The following CDH18 variants were observed in gnomAD, a reference collection of about 807,000 sequenced individuals.
CDH18 encodes cadherin 18, also known as cadherin-18.
In CDH18, 31 loss-of-function variants were observed where a neutral mutation model predicts 67.9. The ratio of observed to expected loss-of-function variants is 0.46; its 90% CI spans 0.34 to 0.62. The LOEUF is 0.62. Ranked by LOEUF, CDH18 falls within the 20% of genes least tolerant of loss-of-function variation. The pLI, the probability that CDH18 is intolerant of heterozygous loss-of-function variation, is 0.01. For synonymous variants in CDH18, 362 were observed against 347.2 expected, an observed-to-expected ratio of 1.04 and a Z score of -0.48; for missense variants, 890 against 975.5, an observed-to-expected ratio of 0.91 and a Z score of 1.17.
At chr5:20,430,528 C>T (rs1748655960) in intron 1 of CDH18, among the ~76,000 whole-genome samples, 2 of 152,310 alleles carry the variant, frequency 1.3e-5, no homozygotes, top group East Asian at 1.9e-4. Context: ...TGCTTACCAT[C>T]TATATACCTT....
chr5:20,312,671 G>A (rs1248540280), intron 1 of CDH18, among the ~76,000 whole-genome samples: 2 of 152,028 alleles, frequency 1.3e-5, no homozygotes, highest in Non-Finnish European at 2.9e-5. Flanking sequence ...TCTTCTGTGT[G>A]ACTACTAATC....
intron 3 of CDH18, among the ~76,000 whole-genome samples, chr5:19,754,872 T>G (rs898158166): frequency 6.6e-6 from 1 of 152,108 alleles, no homozygotes; most frequent in South Asian, 2.1e-4. Context: ...TTTGAACCCA[T>G]GCAAATACAT....
chr5:19,946,200 A>T (rs955161739), intron 2 of CDH18, among the ~76,000 whole-genome samples: 1 of 152,190 alleles, frequency 6.6e-6, no homozygotes, highest in African/African-American at 2.4e-5. Context: ...GAAGTAGCAT[A>T]ATATATTTCA....
chr5:19,725,117 AG>A (rs776898537), intron 4 of CDH18, among the ~76,000 whole-genome samples: 7 of 151,904 alleles, frequency 4.6e-5, no homozygotes, highest in Non-Finnish European at 2.9e-5. Context: ...TAGTAGAGAC[AG>A]GGTTTCACCA....
intron 2 of CDH18, among the ~76,000 whole-genome samples, chr5:19,964,849 T>C (rs548649837): frequency 6.6e-6 from 1 of 152,082 alleles, no homozygotes; most frequent in South Asian, 2.1e-4. Context: ...GCAATAGAAA[T>C]AAACAAAAGA....
At chr5:20,268,000 A>G (rs1460812723) in intron 1 of CDH18, among the ~76,000 whole-genome samples, 2 of 152,124 alleles carry the variant, frequency 1.3e-5, no homozygotes, top group Non-Finnish European at 2.9e-5. Flanking sequence ...CCATCTTGAT[A>G]TCAAGTGTAC....
intron 2 of CDH18, among the ~76,000 whole-genome samples, chr5:20,002,204 A>C (rs1328914984): frequency 6.6e-6 from 1 of 152,198 alleles, no homozygotes; most frequent in Non-Finnish European, 1.5e-5. Flanking sequence ...AATTGATAGA[A>C]CTTTTCTATT....
chr5:19,635,299 C>A (rs1055324714), intron 5 of CDH18, among the ~76,000 whole-genome samples: 2 of 152,158 alleles, frequency 1.3e-5, no homozygotes, highest in East Asian at 1.9e-4. Flanking sequence ...TACTGGGAAC[C>A]TTTTTGACAT....
chr5:20,127,346 C>G (rs1323989433), intron 2 of CDH18, among the ~76,000 whole-genome samples: 1 of 151,968 alleles, frequency 6.6e-6, no homozygotes, highest in Admixed American at 6.5e-5. Flanking sequence ...GTCAATGAAG[C>G]CAATTTTCTT....
rs1782975596 is a variant in CDH18, at chr5:19,846,550, G to A, written c.-256-7308C>T. On this transcript the variant is annotated intron_variant, in intron 2 of 12. Transcript: ENST00000382275. Reference sequence around the variant, plus strand: ...TATAAAGTTCTATTTATTAGTGGACGTTTTTCAGCCCATTGTGGAGCTAAA... The same window carrying A: ...TATAAAGTTCTATTTATTAGTGGACATTTTTCAGCCCATTGTGGAGCTAAA... 2.0e-5 allele frequency among the ~76,000 whole-genome samples: 3 copies of A among 151,932 alleles called. No individual in the cohort carries two copies. In the South Asian group the frequency reaches 6.2e-4, roughly 31 times the overall value.
upstream of CDH18, among the ~76,000 whole-genome samples, chr5:19,991,036 G>C (rs77151099): frequency 0.07 from 10,720 of 152,210 alleles, 412 homozygotes; most frequent in East Asian, 0.14. Flanking sequence ...TGGAGACAGA[G>C]ACACATCTAA....
chr5:20,084,283 C>G (rs775738623), intron 2 of CDH18, among the ~76,000 whole-genome samples: 1 of 152,302 alleles, frequency 6.6e-6, no homozygotes, highest in Non-Finnish European at 1.5e-5. Context: ...CTTAAAGCTC[C>G]AAAATGATCT....
chr5:20,274,134 G>T (rs1745634882), intron 1 of CDH18, among the ~76,000 whole-genome samples: 1 of 152,038 alleles, frequency 6.6e-6, no homozygotes, highest in African/African-American at 2.4e-5. Flanking sequence ...CAAAGAGAAA[G>T]GTACATATTA....
intron 2 of CDH18, among the ~76,000 whole-genome samples, chr5:20,005,709 C>T (rs141463971): frequency 4.7e-4 from 71 of 151,970 alleles, no homozygotes; most frequent in African/African-American, 1.6e-3. Flanking sequence ...AAGAAAGACA[C>T]TGATGCAAAC....
At chr5:20,501,639 C>T (rs1372019639) in intron 1 of CDH18, among the ~76,000 whole-genome samples, 1 of 125,390 alleles carries the variant, frequency 8.0e-6, no homozygotes, top group Non-Finnish European at 1.6e-5. Context: ...CGCTCTGTGG[C>T]CCAGGCAGGA....
intron 2 of CDH18, among the ~76,000 whole-genome samples, chr5:20,058,681 T>C (rs1360285681): frequency 6.6e-6 from 1 of 152,170 alleles, no homozygotes; most frequent in African/African-American, 2.4e-5. Context: ...GAAGAATACA[T>C]TACAAGGCAA....
intron 2 of CDH18, among the ~76,000 whole-genome samples, chr5:20,093,427 T>C (rs1745619131): frequency 6.6e-6 from 1 of 151,998 alleles, no homozygotes; most frequent in African/African-American, 2.4e-5. Context: ...GAAGTATGCA[T>C]AAATAATAAT....
At chr5:20,234,042 A>C (rs1292993934) in intron 2 of CDH18, among the ~76,000 whole-genome samples, 1 of 152,124 alleles carries the variant, frequency 6.6e-6, no homozygotes, top group African/African-American at 2.4e-5. Context: ...CATAATAACA[A>C]CACTTTCATT....
chr5:19,708,635 G>A (rs79641418), intron 5 of CDH18, among the ~76,000 whole-genome samples: 17 of 152,292 alleles, frequency 1.1e-4, no homozygotes, highest in African/African-American at 3.6e-4. Flanking sequence ...GCAGAAAACC[G>A]CTTAAGGCGT....
Sources: allele counts gnomAD v4.1 joint callset (sites outside exome capture counted in the v4.1 genomes callset), GRCh38; gene constraint gnomAD v4.1.1; transcripts MANE v1.5; gene names NCBI Gene and HGNC (gene_info 2026-07-23, HGNC 2026-07-21).